Variants in DIXDC1 observed in about 807,000 individuals in gnomAD.
DIXDC1 encodes DIX domain containing 1, also known as dixin.
A neutral mutation model predicts 103.1 loss-of-function variants in DIXDC1; 64 were observed. The observed-to-expected ratio is 0.62, with a 90% CI of 0.51 to 0.76. DIXDC1 has a LOEUF of 0.76. Ranked by LOEUF, DIXDC1 falls within the 30% of genes least tolerant of loss-of-function variation. DIXDC1 has a pLI of 0.00. For missense variants in DIXDC1, 759 were observed against 834.2 expected (o/e 0.91, Z 1.11); for synonymous variants, 266 against 298.5 (o/e 0.89, Z 1.12).
rs1464015930 is a variant in DIXDC1 at position 111,976,280 on chromosome 11, C to T, written c.656+1297C>T. ...TGGTGGTAGGAGGAAGAGTGGATTT[C>T]TTCCTGAGGGCACCTGCTTTCTCCT... On this transcript the variant is annotated intron_variant, in intron 5 of 19. Coordinates refer to ENST00000440460, the MANE Select transcript of DIXDC1 (RefSeq NM_001037954.4). The surrounding 1 kb of genome is among the most constrained non-coding windows in gnomAD (Gnocchi z 4.3). 6.6e-6 allele frequency among the ~76,000 whole-genome samples: 1 copy of T among 152,130 alleles called. No homozygotes were observed. The highest frequency in any genetic ancestry group is 1.5e-5 in the Non-Finnish European group (1 of 68,016).
intron 2 of DIXDC1, 37 bp from the exon 3 acceptor site, chr11:111,968,476 C>T (rs1309093610): frequency 2.5e-6 from 4 of 1,599,436 alleles, no homozygotes; most frequent in East Asian, 4.5e-5. Flanking sequence ...GATAATATTC[C>T]TCCCTATAAC....
chr11:112,009,340 AGGACCAGAT>A lies in DIXDC1; in HGVS notation c.1757-7347_1757-7339del, dbSNP rs587713431. On this transcript the variant is annotated intron_variant, in intron 17 of 19. Coordinates refer to ENST00000440460, the MANE Select transcript of DIXDC1 (RefSeq NM_001037954.4). ...ATAGCCTACCAACCAAAAAAAGTCC[AGGACCAGAT>A]GGATTTACAGCCAAATTCTACCACA... is the stretch of plus-strand genomic sequence containing the variant. Among the ~76,000 whole-genome samples the A allele has an allele frequency of 7.2e-3, 1,096 of 152,324 alleles. 12 individuals are homozygous for A. The highest frequency in any genetic ancestry group is 7.5e-3 in the Non-Finnish European group (508 of 68,032).
At chr11:111,979,576 T>C (rs1427361547) in intron 5 of DIXDC1, among the ~76,000 whole-genome samples, 2 of 152,328 alleles carry the variant, frequency 1.3e-5, no homozygotes, top group South Asian at 2.1e-4. Context: ...CACATTCCCA[T>C]CTTGTCTTGT....
chr11:111,941,666 A>C (rs1356105010), intron 1 of DIXDC1, among the ~76,000 whole-genome samples: 1 of 151,776 alleles, frequency 6.6e-6, no homozygotes, highest in African/African-American at 2.4e-5. Context: ...TAAAAAAAAA[A>C]TGAGCTGGGC....
intron 7 of DIXDC1, among the ~76,000 whole-genome samples, chr11:111,984,043 T>C (rs1416996445): frequency 3.3e-5 from 5 of 152,222 alleles, no homozygotes; most frequent in Non-Finnish European, 4.4e-5. Flanking sequence ...TATATGTCTG[T>C]ACCTGTTGCC....
intron 3 of DIXDC1, among the ~76,000 whole-genome samples, chr11:111,970,648 C>A (rs372292982): frequency 1.4e-5 from 2 of 144,562 alleles, no homozygotes; most frequent in African/African-American, 2.6e-5. Context: ...GGCAACAGAG[C>A]GAAACTCTAT....
intron 10 of DIXDC1, among the ~76,000 whole-genome samples, chr11:111,989,372 C>A (rs1269287338): frequency 6.6e-6 from 1 of 152,110 alleles, no homozygotes; most frequent in Non-Finnish European, 1.5e-5. Flanking sequence ...CGCCTGTAAT[C>A]CCAGCACTTT....
At position 112,019,105 on chromosome 11, in the gene DIXDC1, C is replaced by G; in HGVS notation, c.*69C>G. ...TGGCTGCTTCACTCAGGAAAGGGAA[C>G]TAAAACCAGAATACACTAAGAAGTT... On this transcript the variant is annotated 3_prime_UTR_variant, in exon 20 of 20. Coordinates refer to ENST00000440460, the MANE Select transcript of DIXDC1 (RefSeq NM_001037954.4). 1 of 1,367,850 alleles carries G rather than the reference C, an allele frequency of 7.3e-7. No homozygotes were observed. 84.7% of individuals were successfully genotyped at this position (1,367,850 alleles called of 1,614,324 possible). A position where few individuals can be genotyped will look rare whatever the true frequency, so the allele number is the denominator to read the frequency against.
intron 1 of DIXDC1, among the ~76,000 whole-genome samples, chr11:111,960,409 C>G (rs1555170985): frequency 3.3e-5 from 5 of 150,738 alleles, no homozygotes; most frequent in Non-Finnish European, 5.9e-5. Flanking sequence ...GCCTGGCTAA[C>G]ATGGTGAAAC....
chr11:111,988,768 T>G (rs1860589295), intron 9 of DIXDC1, among the ~76,000 whole-genome samples: 1 of 152,182 alleles, frequency 6.6e-6, no homozygotes, highest in Non-Finnish European at 1.5e-5. Flanking sequence ...TTGGCAACTC[T>G]TCTCTACCTG....
intron 2 of DIXDC1, among the ~76,000 whole-genome samples, chr11:111,967,576 C>A (rs1482448364): frequency 6.6e-6 from 1 of 152,182 alleles, no homozygotes; most frequent in Non-Finnish European, 1.5e-5. Flanking sequence ...TAGTCTATTT[C>A]CACGCAGAGT....
At chr11:111,974,552 T>C (rs1860036855) in intron 4 of DIXDC1, among the ~76,000 whole-genome samples, 1 of 152,218 alleles carries the variant, frequency 6.6e-6, no homozygotes, top group Non-Finnish European at 1.5e-5. Flanking sequence ...GGGAGGTCCG[T>C]GGGAGCAGTG....
At chr11:111,941,100 G>A (rs1422571650) in intron 1 of DIXDC1, among the ~76,000 whole-genome samples, 5 of 152,150 alleles carry the variant, frequency 3.3e-5, no homozygotes, top group African/African-American at 9.7e-5. Context: ...CTCCGGCTTA[G>A]ATGACAGAGA....
chr11:112,013,397 C>T (rs587755685), intron 17 of DIXDC1, among the ~76,000 whole-genome samples: 2 of 150,218 alleles, frequency 1.3e-5, no homozygotes, highest in East Asian at 3.9e-4. Flanking sequence ...TGTATGGTAA[C>T]TGTTTTGCTA....
chr11:111,960,916 ATCTT>A (rs1859553616), intron 1 of DIXDC1, among the ~76,000 whole-genome samples: 1 of 152,156 alleles, frequency 6.6e-6, no homozygotes, highest in Admixed American at 6.5e-5. Flanking sequence ...GGGAAGATAA[ATCTT>A]TCTGAGTTCC....
chr11:112,008,719 C>T (rs782750453), intron 17 of DIXDC1, among the ~76,000 whole-genome samples: 2 of 152,170 alleles, frequency 1.3e-5, no homozygotes, highest in African/African-American at 4.8e-5. Flanking sequence ...GGCTAAATAA[C>T]GAAATGAAGG....
intron 9 of DIXDC1, among the ~76,000 whole-genome samples, chr11:111,987,957 G>A (rs1555174068): frequency 6.6e-6 from 1 of 150,920 alleles, no homozygotes; most frequent in Non-Finnish European, 1.5e-5. Context: ...GTGCCTGGCC[G>A]ACATGAATTT....
Position 111,982,345 on chromosome 11 carries a change from C to A in DIXDC1, c.776C>A (p.Thr259Lys). ...CCCTCTTTTCATTTTTTAGAAGGGACAGATTCTCCATTATCTCGAGACTGG... is the reference window on the plus strand; with the variant it reads ...CCCTCTTTTCATTTTTTAGAAGGGAAAGATTCTCCATTATCTCGAGACTGG... ...AEGIENRTEG[T>K]DSPLSRDWRP... The change falls in exon 7 of 20, where the codon ACA (threonine) becomes AAA (lysine). Residue 259 changes from threonine to lysine, a missense_variant. Thr to Lys is a moderately conservative substitution (Grantham distance 78). Around this residue, in one of 3 missense-constraint regions of DIXDC1, gnomAD observed 657 missense variants for 727.5 expected, o/e 0.90. Transcript: ENST00000440460. 1 of 1,612,732 alleles carries A rather than the reference C, an allele frequency of 6.2e-7. No individual in the cohort carries two copies. The highest frequency in any genetic ancestry group is 8.5e-7 in the Non-Finnish European group (1 of 1,179,606).
Position 111,995,484 on chromosome 11 carries a change from A to G in DIXDC1, c.1609A>G (p.Ile537Val), listed in dbSNP as rs587636538. 2.5e-6 allele frequency: 4 copies of G among 1,613,926 alleles called. No individual in the cohort carries two copies. Among genetic ancestry groups the G allele is most frequent in the East Asian group, 2.2e-5 (1 of 44,874 alleles). ...FSGHDPQHHT[I>V]DSLEQGISSL... ...TGGCCACGATCCTCAGCACCACACT[A>G]TTGACAGCTTGGAGCAGGGCATTTC... is the stretch of plus-strand genomic sequence containing the variant. The change falls in exon 16 of 20, where the codon ATT becomes GTT. Residue 537 changes from isoleucine to valine, a missense_variant. Physicochemically the swap from Ile to Val is conservative, Grantham distance 29. Coordinates refer to ENST00000440460, the MANE Select transcript of DIXDC1 (RefSeq NM_001037954.4).
Sources: gnomAD v4.1 joint callset for allele counts (sites outside exome capture counted in the v4.1 genomes callset) on GRCh38, gnomAD v4.1.1 for gene constraint, gnomAD v4.1.1 regional missense constraint, Gnocchi (gnomAD v3.1) non-coding constraint, MANE v1.5 for transcripts, NCBI Gene and HGNC (gene_info 2026-07-23, HGNC 2026-07-21) for gene names.